The following SUSD1 variants were observed in gnomAD, a reference collection of about 807,000 sequenced individuals.
SUSD1 encodes the protein sushi domain containing 1, also known as sushi domain-containing protein 1.
A neutral mutation model predicts 86.9 loss-of-function variants in SUSD1; 65 were observed. That is an observed-to-expected ratio of 0.75 (90% confidence interval 0.61 to 0.92). The LOEUF is 0.92. Ranked by LOEUF, SUSD1 falls within the 40% of genes least tolerant of loss-of-function variation. SUSD1 has a pLI of 0.00. For synonymous variants in SUSD1, 346 were observed against 350.0 expected (o/e 0.99, Z 0.13); for missense variants, 850 against 929.7 (o/e 0.91, Z 1.11).
chr9:112,163,105 G>T (rs1473370807), intron 1 of SUSD1, among the ~76,000 whole-genome samples: 1 of 151,804 alleles, frequency 6.6e-6, no homozygotes, highest in Admixed American at 6.6e-5. Context: ...ACTTGTCTAG[G>T]GCAAGGTGCA....
Position 112,059,224 on chromosome 9 carries a change from C to T in SUSD1, c.1851-538G>A, listed in dbSNP as rs556786269. 2.0e-4 allele frequency among the ~76,000 whole-genome samples: 31 copies of T among 152,332 alleles called. No homozygotes were observed. In the East Asian group the frequency reaches 3.7e-3, roughly 18 times the overall value. On this transcript the variant is annotated intron_variant, in intron 13 of 16. Coordinates refer to ENST00000374270, the MANE Select transcript of SUSD1 (RefSeq NM_022486.5). ...TTGAACCTAAAGGGTTAATGCCAGA[C>T]GACACAGGGCAAGGGACCTCTCCAA...
chr9:112,157,651 G>T, intron 1 of SUSD1, 38 bp from the exon 2 acceptor site: 1 of 1,544,418 alleles, frequency 6.5e-7, no homozygotes. Flanking sequence ...AAAGAAAAAT[G>T]CAAGATGAGA....
At chr9:112,165,898 A>AAAGG (rs1331536941) in intron 1 of SUSD1, among the ~76,000 whole-genome samples, 8 of 90,884 alleles carry the variant, frequency 8.8e-5, no homozygotes, top group East Asian at 5.2e-4. Flanking sequence ...AGAAAGAAAG[A>AAAGG]AAGGAAGGAA....
intron 10 of SUSD1, among the ~76,000 whole-genome samples, chr9:112,086,663 G>T (rs1355455262): frequency 6.6e-6 from 1 of 151,970 alleles, no homozygotes; most frequent in African/African-American, 2.4e-5. Context: ...TAAGAAAACG[G>T]CATTGCTTCT....
At chr9:112,124,125 G>C in intron 6 of SUSD1, 132 bp downstream of exon 6, 1 of 803,536 alleles carries the variant, frequency 1.2e-6, no homozygotes, top group South Asian at 3.3e-5. Flanking sequence ...TCTAAAGCCA[G>C]GTGCACAACC....
At chr9:112,068,434 G>A (rs1454060052) in intron 12 of SUSD1, among the ~76,000 whole-genome samples, 1 of 152,178 alleles carries the variant, frequency 6.6e-6, no homozygotes, top group Non-Finnish European at 1.5e-5. Flanking sequence ...AGCAGGCTGG[G>A]TGCACTGGCT....
At chr9:112,130,316 T>C (rs919163630) in intron 5 of SUSD1, among the ~76,000 whole-genome samples, 2 of 150,080 alleles carry the variant, frequency 1.3e-5, no homozygotes, top group Admixed American at 6.7e-5. Context: ...GAGGTTACAG[T>C]GAGCCAAGAA....
intron 10 of SUSD1, among the ~76,000 whole-genome samples, chr9:112,088,848 G>A (rs1564284206): frequency 6.6e-6 from 1 of 152,084 alleles, no homozygotes; most frequent in Non-Finnish European, 1.5e-5. Context: ...GTTCCCGCCT[G>A]TAATCCCAGC....
chr9:112,048,732 A>T (rs961685251), intron 15 of SUSD1, among the ~76,000 whole-genome samples: 16 of 152,362 alleles, frequency 1.1e-4, no homozygotes, highest in African/African-American at 2.9e-4. Flanking sequence ...GAGAAAATTT[A>T]AAAAGCTTCA....
intron 12 of SUSD1, among the ~76,000 whole-genome samples, chr9:112,076,905 C>T (rs1441791408): frequency 6.6e-6 from 1 of 152,086 alleles, no homozygotes; most frequent in Non-Finnish European, 1.5e-5. Context: ...TTTGGCAAGA[C>T]GGAGATCAAA....
intron 7 of SUSD1, chr9:112,112,141 C>T (rs955220471): frequency 7.4e-6 from 2 of 270,712 alleles, no homozygotes; most frequent in Non-Finnish European, 1.4e-5. Context: ...TCAGCAGACG[C>T]TCCCGGGCTT....
At chr9:112,055,945 C>T (rs1373388191) in intron 14 of SUSD1, among the ~76,000 whole-genome samples, 1 of 152,022 alleles carries the variant, frequency 6.6e-6, no homozygotes. Context: ...TATGAGGTAC[C>T]TAGAGTAGTC....
intron 12 of SUSD1, among the ~76,000 whole-genome samples, chr9:112,078,142 C>T (rs1341516238): frequency 2.0e-5 from 3 of 152,054 alleles, no homozygotes; most frequent in Non-Finnish European, 2.9e-5. Context: ...CCCAGGAGTT[C>T]GAGACCAGCC....
chr9:112,122,318 A>T (rs1831588375), intron 6 of SUSD1, among the ~76,000 whole-genome samples: 1 of 152,216 alleles, frequency 6.6e-6, no homozygotes, highest in African/African-American at 2.4e-5. Context: ...GCACCGCCAC[A>T]CCTGGCAAAT....
chr9:112,042,657 A>G (rs1827792934), intron 15 of SUSD1, among the ~76,000 whole-genome samples: 1 of 152,236 alleles, frequency 6.6e-6, no homozygotes, highest in South Asian at 2.1e-4. Flanking sequence ...ATTTCATTTT[A>G]ATTTGCAAAC....
At chr9:112,151,707 T>A (rs995600101) in intron 2 of SUSD1, among the ~76,000 whole-genome samples, 50 of 147,674 alleles carry the variant, frequency 3.4e-4, no homozygotes, top group African/African-American at 1.2e-3. Flanking sequence ...TTCAAGACCA[T>A]CCTGGCCAAC....
rs1454907630 is a variant in SUSD1, at chr9:112,111,857, CAA to C, written c.985-19_985-18del. ...TATGGATATCTTTGAGAGGAAAAGACAAGAGAACCCACTCTGACTCCAGTCAA... is the reference window on the plus strand; with the variant it reads ...TATGGATATCTTTGAGAGGAAAAGACGAGAACCCACTCTGACTCCAGTCAA... On this transcript the variant is annotated intron_variant, in intron 7 of 16. Coordinates refer to ENST00000374270, the MANE Select transcript of SUSD1 (RefSeq NM_022486.5). The C allele has an allele frequency of 6.2e-7, 1 of 1,611,748 alleles. No individual in the cohort carries two copies. Among genetic ancestry groups the C allele is most frequent in the Non-Finnish European group, 8.5e-7 (1 of 1,178,884 alleles).
intron 11 of SUSD1, among the ~76,000 whole-genome samples, chr9:112,078,949 G>C (rs1222673131): frequency 1.3e-5 from 2 of 151,520 alleles, no homozygotes; most frequent in Non-Finnish European, 2.9e-5. Flanking sequence ...AAGTAACTGG[G>C]ACCACAGATG....
chr9:112,142,254 A>G, intron 5 of SUSD1, 66 bp downstream of exon 5: 3 of 1,324,026 alleles, frequency 2.3e-6, no homozygotes, highest in Middle Eastern at 1.9e-4. Flanking sequence ...ACTGAAATTT[A>G]GAGAAAAATA....
Sources: gnomAD v4.1 joint callset for allele counts (sites outside exome capture counted in the v4.1 genomes callset) on GRCh38, gnomAD v4.1.1 for gene constraint, MANE v1.5 for transcripts, NCBI Gene and HGNC (gene_info 2026-07-23, HGNC 2026-07-21) for gene names.